PIP4K2A: variants seen among roughly 807,000 people sequenced by gnomAD.
PIP4K2A encodes the protein phosphatidylinositol 5-phosphate 4-kinase type-2 alpha.
A neutral mutation model predicts 42.9 loss-of-function variants in PIP4K2A; 14 were observed. The observed-to-expected ratio is 0.33, with a 90% CI of 0.22 to 0.51. The LOEUF is 0.51. Ranked by LOEUF, PIP4K2A falls within the 20% of genes least tolerant of loss-of-function variation. The pLI, the probability that PIP4K2A is intolerant of heterozygous loss-of-function variation, is 0.97. For missense variants in PIP4K2A, 434 were observed against 519.8 expected, an observed-to-expected ratio of 0.83 and a Z score of 1.61; for synonymous variants, 192 against 192.2, an observed-to-expected ratio of 1.00 and a Z score of 0.01.
intron 1 of PIP4K2A, among the ~76,000 whole-genome samples, chr10:22,688,713 A>G (rs1259454733): frequency 6.6e-6 from 1 of 152,174 alleles, no homozygotes; most frequent in Non-Finnish European, 1.5e-5. Flanking sequence ...TCAGACTCCC[A>G]AAGTGCTGAG....
At chr10:22,664,248 C>T (rs1054863584) in intron 1 of PIP4K2A, among the ~76,000 whole-genome samples, 3 of 133,404 alleles carry the variant, frequency 2.2e-5, no homozygotes, top group East Asian at 4.2e-4. Flanking sequence ...CACACACACA[C>T]ACATATATAT....
intron 4 of PIP4K2A, among the ~76,000 whole-genome samples, chr10:22,588,326 G>C (rs966138677): frequency 6.6e-6 from 1 of 152,076 alleles, no homozygotes; most frequent in Admixed American, 6.5e-5. Flanking sequence ...ATGTTTCTCA[G>C]CTTGTGGCAA....
chr10:22,539,909 GAGGGAGA>G, intron 9 of PIP4K2A, 55 bp downstream of exon 9: 1 of 114,394 alleles, frequency 8.7e-6, no homozygotes, highest in South Asian at 1.7e-4. Flanking sequence ...GAGAGAGAGA[GAGGGAGA>G]GAGAGAGAGA....
At chr10:22,661,349 CTTT>C (rs374324575) in intron 1 of PIP4K2A, among the ~76,000 whole-genome samples, 3 of 99,822 alleles carry the variant, frequency 3.0e-5, no homozygotes, top group African/African-American at 7.8e-5. Context: ...ATGATGCTGC[CTTT>C]TTTTTTTTTT....
chr10:22,571,135 G>A (rs1427040512), intron 5 of PIP4K2A, among the ~76,000 whole-genome samples: 6 of 152,254 alleles, frequency 3.9e-5, no homozygotes, highest in East Asian at 1.9e-4. Flanking sequence ...AACTGTTTTC[G>A]TGACGGTTTG....
chr10:22,610,437 A>G (rs977364163), intron 1 of PIP4K2A, among the ~76,000 whole-genome samples: 1 of 152,236 alleles, frequency 6.6e-6, no homozygotes, highest in African/African-American at 2.4e-5. Context: ...CTATTTTTGC[A>G]TGTTGACTTT....
At chr10:22,712,932 GTGTGTGTGTC>G (rs1236478832) in intron 1 of PIP4K2A, among the ~76,000 whole-genome samples, 3 of 151,758 alleles carry the variant, frequency 2.0e-5, no homozygotes, top group African/African-American at 7.3e-5. Flanking sequence ...GTGTGTGTGT[GTGTGTGTGTC>G]TGTGTGTGTG....
At chr10:22,640,732 T>C (rs1007309967) in intron 1 of PIP4K2A, among the ~76,000 whole-genome samples, 5 of 152,180 alleles carry the variant, frequency 3.3e-5, no homozygotes, top group East Asian at 1.9e-4. Flanking sequence ...AACGGGGTGA[T>C]TGACACTACG....
At chr10:22,681,783 AACTG>A (rs1315750338) in intron 1 of PIP4K2A, among the ~76,000 whole-genome samples, 1 of 149,436 alleles carries the variant, frequency 6.7e-6, no homozygotes, top group Non-Finnish European at 1.5e-5. Context: ...CTGTAGCAGA[AACTG>A]ACTAACTTTC....
intron 1 of PIP4K2A, among the ~76,000 whole-genome samples, chr10:22,616,826 G>A (rs1838186701): frequency 6.6e-6 from 1 of 152,298 alleles, no homozygotes; most frequent in East Asian, 1.9e-4. Context: ...GGAAAGAACT[G>A]TGTGACTGAA....
At chr10:22,601,130 C>CAAAAAAAAAAAAAAAAAAAAAA (rs1188396077) in intron 3 of PIP4K2A, among the ~76,000 whole-genome samples, 10 of 31,924 alleles carry the variant, frequency 3.1e-4, no homozygotes, top group Non-Finnish European at 7.0e-4. Context: ...GAGACTGTCT[C>CAAAAAAAAAAAAAAAAAAAAAA]AAAAAAAAAA....
chr10:22,713,483 G>A (rs112869972), intron 1 of PIP4K2A, among the ~76,000 whole-genome samples: 3,183 of 152,244 alleles, frequency 0.021, 118 homozygotes, highest in African/African-American at 0.073. Flanking sequence ...CCCCGCCAAG[G>A]GCTCTCCAGC....
intron 4 of PIP4K2A, among the ~76,000 whole-genome samples, chr10:22,586,313 G>A (rs942066247): frequency 6.6e-6 from 1 of 152,138 alleles, no homozygotes; most frequent in African/African-American, 2.4e-5. Flanking sequence ...AAAGAATAGA[G>A]CAAGATACTG....
chr10:22,710,588 G>T (rs1011347595), intron 1 of PIP4K2A, among the ~76,000 whole-genome samples: 1 of 152,056 alleles, frequency 6.6e-6, no homozygotes, highest in Non-Finnish European at 1.5e-5. Flanking sequence ...GAGCCAAAGG[G>T]TACAGAAAAG....
chr10:22,665,349 C>A (rs1470701851), intron 1 of PIP4K2A, among the ~76,000 whole-genome samples: 4 of 152,218 alleles, frequency 2.6e-5, no homozygotes, highest in Non-Finnish European at 5.9e-5. Context: ...CCCTCCTACA[C>A]AACTGGTCTA....
At chr10:22,573,539 T>C (rs566255938) in intron 4 of PIP4K2A, 82 bp from the exon 5 acceptor site, 4 of 1,233,518 alleles carry the variant, frequency 3.2e-6, no homozygotes, top group Non-Finnish European at 3.4e-6. Flanking sequence ...ACGCCTATGG[T>C]GTTCATACAA....
intron 7 of PIP4K2A, among the ~76,000 whole-genome samples, chr10:22,548,883 C>T (rs1398826360): frequency 1.4e-5 from 2 of 146,932 alleles, no homozygotes; most frequent in Non-Finnish European, 3.0e-5. Flanking sequence ...CTAGTCTCTA[C>T]AAAAAAAAAA....
At chr10:22,557,893 C>T (rs1836591733) in intron 6 of PIP4K2A, among the ~76,000 whole-genome samples, 1 of 152,106 alleles carries the variant, frequency 6.6e-6, no homozygotes, top group South Asian at 2.1e-4. Context: ...GGAAACTTTA[C>T]TGGGAAGAAG....
chr10:22,698,864 G>A (rs944646261), intron 1 of PIP4K2A, among the ~76,000 whole-genome samples: 1 of 152,126 alleles, frequency 6.6e-6, no homozygotes, highest in Non-Finnish European at 1.5e-5. Flanking sequence ...AATATGCTAT[G>A]TATCTGTACT....
Sources: allele counts gnomAD v4.1 joint callset (sites outside exome capture counted in the v4.1 genomes callset), GRCh38; gene constraint gnomAD v4.1.1; transcripts MANE v1.5; gene names NCBI Gene and HGNC (gene_info 2026-07-23, HGNC 2026-07-21).